Variants in OAS3 observed in about 807,000 individuals in gnomAD.
OAS3 encodes 2'-5'-oligoadenylate synthase 3.
In OAS3, 107 loss-of-function variants were observed where a neutral mutation model predicts 113.0. The observed-to-expected ratio is 0.95, with a 90% confidence interval of 0.81 to 1.11. The LOEUF is 1.11. Ranked by LOEUF, OAS3 falls within the 50% of genes most tolerant of loss-of-function variation. The pLI is 0.00. For missense variants in OAS3, 1,258 were observed against 1,389.1 expected, an observed-to-expected ratio of 0.91 and a Z score of 1.50; for synonymous variants, 552 against 573.6, an observed-to-expected ratio of 0.96 and a Z score of 0.54.
chr12:112,955,792 T>C (rs565386219), intron 7 of OAS3, among the ~76,000 whole-genome samples: 3 of 152,108 alleles, frequency 2.0e-5, no homozygotes, highest in Admixed American at 1.3e-4. Flanking sequence ...ATCAGGGATA[T>C]TGGTCTTTTT....
At position 112,950,520 on chromosome 12, in the gene OAS3, C is replaced by G. The variant is rs1593177918; in HGVS notation, c.1375-173C>G. On this transcript the variant is annotated intron_variant, in intron 6 of 15. Transcript: ENST00000228928. Reference sequence around the variant, plus strand: ...AGGCAGATACAACTTGACTCTCTGTCACAATTCTAAGAGGTCACAGGACCC... The same window carrying G: ...AGGCAGATACAACTTGACTCTCTGTGACAATTCTAAGAGGTCACAGGACCC... 2.0e-5 allele frequency: 14 copies of G among 716,438 alleles called. No homozygotes were observed. The East Asian group carries it at 3.4e-4, about 17-fold the overall frequency. The allele number at this position is 716,438 out of a possible 1,614,324, so 44.4% of individuals were successfully genotyped here. A position where few individuals can be genotyped will look rare whatever the true frequency, so the allele number is the denominator to read the frequency against.
chr12:112,959,333 G>A (rs1034587041), intron 7 of OAS3, among the ~76,000 whole-genome samples: 2 of 152,120 alleles, frequency 1.3e-5, no homozygotes, highest in African/African-American at 2.4e-5. Flanking sequence ...CTCATGGTCC[G>A]TGGGTTGTAC....
At chr12:112,947,728 G>A (rs1309482700) in intron 4 of OAS3, among the ~76,000 whole-genome samples, 1 of 152,168 alleles carries the variant, frequency 6.6e-6, no homozygotes, top group African/African-American at 2.4e-5. Flanking sequence ...GTGGATCCTG[G>A]TATCTTGTGA....
intron 7 of OAS3, among the ~76,000 whole-genome samples, chr12:112,960,703 G>A (rs2043874914): frequency 6.6e-6 from 1 of 152,046 alleles, no homozygotes; most frequent in African/African-American, 2.4e-5. Flanking sequence ...CACACAGCTT[G>A]GATTTGAACC....
At chr12:112,961,565 C>A (rs1028450931) in intron 8 of OAS3, among the ~76,000 whole-genome samples, 1 of 152,106 alleles carries the variant, frequency 6.6e-6, no homozygotes, top group African/African-American at 2.4e-5. Context: ...TATGATATTA[C>A]CCCCACCACA....
intron 11 of OAS3, 30 bp from the exon 12 acceptor site, chr12:112,965,714 G>A (rs1212114495): frequency 1.3e-6 from 2 of 1,586,692 alleles, no homozygotes; most frequent in East Asian, 2.3e-5. Flanking sequence ...CATGCTTCAA[G>A]GGTTGAGCCA....
chr12:112,941,978 G>T, intron 2 of OAS3, 126 bp downstream of exon 2: 1 of 1,180,616 alleles, frequency 8.5e-7, no homozygotes, highest in Non-Finnish European at 1.3e-6. Flanking sequence ...CCCTCTCTCA[G>T]CCTCAGTCTG....
At chr12:112,957,461 C>T (rs938768619) in intron 7 of OAS3, among the ~76,000 whole-genome samples, 4 of 152,200 alleles carry the variant, frequency 2.6e-5, no homozygotes, top group African/African-American at 9.7e-5. Flanking sequence ...CATGTTTTTG[C>T]AGTGGCTGGT....
chr12:112,942,287 T>C (rs561847139), intron 2 of OAS3: 9 of 309,746 alleles, frequency 2.9e-5, no homozygotes, highest in Admixed American at 2.3e-4. Context: ...ACACGTATGC[T>C]TGAGTTAAGA....
Position 112,938,637 on chromosome 12 carries a change from T to C in OAS3, c.107T>C (p.Leu36Pro). 6.2e-7 allele frequency: 1 copy of C among 1,605,898 alleles called. No individual in the cohort carries two copies. Among genetic ancestry groups the C allele is most frequent in the Non-Finnish European group, 8.5e-7 (1 of 1,177,262 alleles). The change falls in exon 1 of 16, where the codon CTG becomes CCG. Residue 36 changes from leucine (L) to proline (P), a missense_variant. Leu to Pro is a moderately conservative substitution (Grantham distance 98, BLOSUM62 -3). Coordinates refer to ENST00000228928, the MANE Select transcript of OAS3 (RefSeq NM_006187.4). ...VEKARRALGALAAALRERGGR... is the reference protein window; with the variant it reads ...VEKARRALGAPAAALRERGGR... The stretch of plus-strand genomic sequence containing the variant: ...AAGGCGCGGCGCGCTCTGGGCGCCC[T>C]GGCCGCTGCCCTGAGGGAGCGCGGG...
At chr12:112,956,223 C>G (rs1384656280) in intron 7 of OAS3, among the ~76,000 whole-genome samples, 2 of 152,122 alleles carry the variant, frequency 1.3e-5, no homozygotes, top group African/African-American at 4.8e-5. Context: ...CTATCCTTCT[C>G]TCTTTTCTTC....
rs186193949 is a variant in OAS3 at position 112,944,378 on chromosome 12, A to G, written c.461-98A>G. The G allele has an allele frequency of 2.2e-5, 29 of 1,313,820 alleles. No homozygotes were observed. In the Admixed American group the frequency reaches 2.8e-4, roughly 13 times the overall value. The allele number at this position is 1,313,820 out of a possible 1,614,324, so 81.4% of individuals were successfully genotyped here. ...ATTTCTTCCCCTCTGAATTCTTCCC[A>G]CTCTCTCTCAGCGCCCCAGGCTGAG... On this transcript the variant is annotated intron_variant, in intron 2 of 15. Coordinates refer to ENST00000228928, the MANE Select transcript of OAS3 (RefSeq NM_006187.4).
intron 14 of OAS3, 46 bp downstream of exon 14, chr12:112,968,220 C>T (rs1236149938): frequency 1.3e-5 from 21 of 1,571,756 alleles, no homozygotes; most frequent in Non-Finnish European, 1.8e-5. Context: ...CCTGGGATCA[C>T]TCACTCTCCC....
At chr12:112,945,210 G>A (rs2043717313) in intron 3 of OAS3, 1 of 164,808 alleles carries the variant, frequency 6.1e-6, no homozygotes, top group Non-Finnish European at 1.3e-5. Context: ...TACTCGGGAG[G>A]CTGAGGCAGG....
At position 112,948,870 on chromosome 12, in the gene OAS3, C is replaced by T. The variant is rs745326386; in HGVS notation, c.1039C>T (p.Arg347Cys). The change falls in exon 6 of 16, where the codon CGT becomes TGT. Residue 347 changes from arginine to cysteine, a missense_variant. By Grantham distance (180) the Arg-to-Cys change is radical (BLOSUM62 -3). Coordinates refer to ENST00000228928, the MANE Select transcript of OAS3 (RefSeq NM_006187.4). ...TTCAATGACCTTCCAGGGCCTTCCA[C>T]GTGCTGGATGCTCAGGTTTGGGCCA... is the stretch of plus-strand genomic sequence containing the variant. Reference protein sequence around the residue: ...VQSWKGPGLPRAGCSGLGHPI... With the variant: ...VQSWKGPGLPCAGCSGLGHPI... 47 of 1,571,012 alleles carry T rather than the reference C, an allele frequency of 3.0e-5. No homozygotes were observed. Among genetic ancestry groups the T allele is most frequent in the South Asian group, 5.8e-5 (5 of 86,014 alleles).
Position 112,963,242 on chromosome 12 carries a change from T to C in OAS3, c.2085-71T>C. On this transcript the variant is annotated intron_variant, in intron 9 of 15. Coordinates refer to ENST00000228928, the MANE Select transcript of OAS3 (RefSeq NM_006187.4). This position sits in a 1 kb window ranked among gnomAD's most constrained non-coding sequence, Gnocchi z 4.6. ...CTCTTTCCAGCCCTCACGCCCCTTT[T>C]CAGCCCTTCCACCCGCCTCCTCTTT... 6.8e-7 allele frequency: 1 copy of C among 1,468,004 alleles called. No homozygotes were observed. The highest frequency in any genetic ancestry group is 9.1e-7 in the Non-Finnish European group (1 of 1,098,768). The allele number at this position is 1,468,004 out of a possible 1,614,324, so 90.9% of individuals were successfully genotyped here.
In OAS3 at chr12:112,970,023, C is replaced by T. The variant is rs777009278; in HGVS notation, c.*50C>T. 11 of 1,594,704 alleles carry T rather than the reference C, an allele frequency of 6.9e-6. No individual in the cohort carries two copies. Among genetic ancestry groups the T allele is most frequent in the Admixed American group, 1.7e-5 (1 of 57,522 alleles). ...TGGATGAAGAGAAGATGGACACCAG[C>T]CCTCAGCATGAGGAAATTCAGGGTC... is the stretch of plus-strand genomic sequence containing the variant. On this transcript the variant is annotated 3_prime_UTR_variant, in exon 16 of 16. Coordinates refer to ENST00000228928, the MANE Select transcript of OAS3 (RefSeq NM_006187.4).
chr12:112,944,703 T>C (rs750788798), intron 3 of OAS3, 52 bp downstream of exon 3: 3 of 1,591,098 alleles, frequency 1.9e-6, no homozygotes, highest in East Asian at 2.2e-5. Context: ...TGCTTTGTGC[T>C]TTCATAGTCG....
Position 112,954,576 on chromosome 12 carries a change from G to A in OAS3, c.1657+3601G>A, listed in dbSNP as rs1004604342. On this transcript the variant is annotated intron_variant, in intron 7 of 15. Transcript: ENST00000228928. The surrounding 1 kb of genome is among the most constrained non-coding windows in gnomAD (Gnocchi z 4.0). ...CTCCCAAAGTGCTGGGATTACAGGC[G>A]TGAGCCACTGCGCCTGGCCCCATTT... is the stretch of plus-strand genomic sequence containing the variant. Among the ~76,000 whole-genome samples, 6 of 152,262 alleles carry A rather than the reference G, an allele frequency of 3.9e-5. No individual in the cohort carries two copies. Among genetic ancestry groups the A allele is most frequent in the East Asian group, 1.9e-4 (1 of 5,178 alleles).
Sources: allele counts gnomAD v4.1 joint callset (sites outside exome capture counted in the v4.1 genomes callset), GRCh38; gene constraint gnomAD v4.1.1; non-coding constraint Gnocchi (gnomAD v3.1); transcripts MANE v1.5; gene names NCBI Gene and HGNC (gene_info 2026-07-23, HGNC 2026-07-21).